The following TBC1D8 variants were observed in gnomAD, a reference collection of about 807,000 sequenced individuals.
The protein encoded by TBC1D8 is BUB2-like protein 1.
TBC1D8 carries 65 observed loss-of-function variants against 118.8 expected under a neutral mutation model. The observed-to-expected ratio is 0.55, with a 90% CI of 0.45 to 0.67. The LOEUF (loss-of-function observed/expected upper bound fraction) is 0.67, where lower values mean the gene tolerates loss of function less well. Among genes scored for constraint, TBC1D8 ranks in the 30% least tolerant of loss-of-function variants. The pLI is 0.00. For missense variants in TBC1D8, 1,376 were observed against 1,471.2 expected (o/e 0.94, Z 1.06); for synonymous variants, 566 against 595.8 (o/e 0.95, Z 0.73).
Position 101,029,538 on chromosome 2 carries a change from G to T in TBC1D8, c.2175C>A (p.Asp725Glu). 1.2e-6 allele frequency: 2 copies of T among 1,613,978 alleles called. No homozygotes were observed. Among genetic ancestry groups the T allele is most frequent in the Non-Finnish European group, 1.7e-6 (2 of 1,179,892 alleles). Residue 725 changes from aspartate (D) to glutamate (E), a missense_variant, in exon 12 of 20, where the codon GAC becomes GAA. Transcript: ENST00000409318. ...GLAVLEANAE[D>E]LCSSKDDGQA... ...GGCCATCATCCTTGCTGCTGCACAG[G>T]TCCTCAGCATTGGCCTCAAGCACAG...
intron 4 of TBC1D8, 64 bp downstream of exon 4, chr2:101,054,044 T>G: frequency 6.9e-7 from 1 of 1,453,740 alleles, no homozygotes; most frequent in Non-Finnish European, 9.4e-7. Context: ...CGGCCCTTCC[T>G]GGGAGCAGCG....
At position 101,007,688 on chromosome 2, in the gene TBC1D8, T is replaced by A; in HGVS notation, c.*133A>T. On this transcript the variant is annotated 3_prime_UTR_variant, in exon 20 of 20. Coordinates refer to ENST00000409318, the MANE Select transcript of TBC1D8 (RefSeq NM_001330348.2). ...GTTGTGTCGGTTCCCCTGGCCACAG[T>A]TTGTCAGGTTGTTTAGCCAGATGCC... 1 of 899,604 alleles carries A rather than the reference T, an allele frequency of 1.1e-6. No individual in the cohort carries two copies. The highest frequency in any genetic ancestry group is 1.7e-5 in the African/African-American group (1 of 60,098). The allele number at this position is 899,604 out of a possible 1,614,324, so 55.7% of individuals were successfully genotyped here. A position where few individuals can be genotyped will look rare whatever the true frequency, so the allele number is the denominator to read the frequency against.
chr2:101,029,451 C>T, intron 12 of TBC1D8, 40 bp downstream of exon 12: 1 of 1,592,726 alleles, frequency 6.3e-7, no homozygotes. Context: ...CTGCTGCCTC[C>T]TCCATCTCTG....
At chr2:101,064,165 A>G (rs1682903484) in intron 2 of TBC1D8, among the ~76,000 whole-genome samples, 1 of 152,120 alleles carries the variant, frequency 6.6e-6, no homozygotes, top group Admixed American at 6.5e-5. Context: ...ACTTTTAAGG[A>G]GGTATACGGT....
intron 2 of TBC1D8, among the ~76,000 whole-genome samples, chr2:101,067,752 CATAAAATGACA>C (rs1683093445): frequency 1.3e-5 from 2 of 152,172 alleles, no homozygotes; most frequent in Admixed American, 1.3e-4. Flanking sequence ...AATTTCTCAA[CATAAAATGACA>C]ATGAAGTTTC....
At chr2:101,064,571 A>C (rs185009730) in intron 2 of TBC1D8, among the ~76,000 whole-genome samples, 5 of 152,338 alleles carry the variant, frequency 3.3e-5, no homozygotes, top group Admixed American at 1.3e-4. Context: ...AATTTTTCAA[A>C]AAAAGACTTT....
At chr2:101,052,618 A>G (rs1289249928) in intron 4 of TBC1D8, among the ~76,000 whole-genome samples, 1 of 152,008 alleles carries the variant, frequency 6.6e-6, no homozygotes. Context: ...CTGGGACCAT[A>G]GGCGTGCACC....
intron 6 of TBC1D8, among the ~76,000 whole-genome samples, chr2:101,039,318 A>T (rs755491323): frequency 1.6e-4 from 24 of 152,224 alleles, no homozygotes; most frequent in Non-Finnish European, 2.5e-4. Context: ...AAATGAAGAC[A>T]TCTACTACAG....
At chr2:101,055,490 G>A (rs954651349) in intron 3 of TBC1D8, among the ~76,000 whole-genome samples, 2 of 152,122 alleles carry the variant, frequency 1.3e-5, no homozygotes, top group African/African-American at 4.8e-5. Flanking sequence ...GGCTCACTTT[G>A]TAGCCTTAAA....
intron 1 of TBC1D8, among the ~76,000 whole-genome samples, chr2:101,093,226 T>C (rs1013269129): frequency 6.6e-6 from 1 of 152,146 alleles, no homozygotes; most frequent in African/African-American, 2.4e-5. Flanking sequence ...TAGTTAACAG[T>C]AGGTTATTAG....
At chr2:101,071,593 C>T (rs1979043) in intron 2 of TBC1D8, among the ~76,000 whole-genome samples, 133,359 of 152,198 alleles carry the variant, frequency 0.88, 58,900 homozygotes, top group African/African-American at 0.97. Context: ...AGGTATTATA[C>T]ATTTTAGAAA....
chr2:101,028,232 AT>A, intron 13 of TBC1D8, 70 bp downstream of exon 13: 2 of 1,593,398 alleles, frequency 1.3e-6, no homozygotes, highest in Non-Finnish European at 1.7e-6. Flanking sequence ...CTCCTTCCAC[AT>A]CCATCCCCCA....
chr2:101,137,347 C>A (rs2104270572), intron 1 of TBC1D8, among the ~76,000 whole-genome samples: 1 of 148,244 alleles, frequency 6.7e-6, no homozygotes, highest in East Asian at 2.1e-4. Flanking sequence ...GAGTCTCGCA[C>A]TCTCGCCCAA....
At chr2:101,008,784 C>T (rs1473533251) in intron 19 of TBC1D8, among the ~76,000 whole-genome samples, 1 of 151,430 alleles carries the variant, frequency 6.6e-6, no homozygotes, top group Non-Finnish European at 1.5e-5. Context: ...GCACTCCAGC[C>T]TGGGCAACAA....
intron 1 of TBC1D8, among the ~76,000 whole-genome samples, chr2:101,147,605 C>G (rs1255481568): frequency 6.6e-6 from 1 of 152,178 alleles, no homozygotes. Flanking sequence ...ATTAGTGATG[C>G]TGGGCATGTT....
At position 101,007,710 on chromosome 2, in the gene TBC1D8, T is replaced by G; in HGVS notation, c.*111A>C. 1 of 1,102,326 alleles carries G rather than the reference T, an allele frequency of 9.1e-7. No individual in the cohort carries two copies. The highest frequency in any genetic ancestry group is 1.3e-6 in the Non-Finnish European group (1 of 762,958). 68.3% of individuals were successfully genotyped at this position (1,102,326 alleles called of 1,614,324 possible). On this transcript the variant is annotated 3_prime_UTR_variant, in exon 20 of 20. Coordinates refer to ENST00000409318, the MANE Select transcript of TBC1D8 (RefSeq NM_001330348.2). ...CAGTTTGTCAGGTTGTTTAGCCAGA[T>G]GCCCCATTGGTAAGGTAGACTGAAA... is the stretch of plus-strand genomic sequence containing the variant.
Position 101,008,145 on chromosome 2 carries a change from T to C in TBC1D8, c.3144A>G (p.Arg1048=). The C allele has an allele frequency of 6.2e-7, 1 of 1,613,870 alleles. No individual in the cohort carries two copies. Among genetic ancestry groups the C allele is most frequent in the Non-Finnish European group, 8.5e-7 (1 of 1,179,804 alleles). ...GGGAGCAGCTTCCAGAGCTGCTGCC[T>C]CGCTGCCCCACCTCCCCGATCTGCA... ...LLLQIGEVGQ[R]GSSSGSCSQE... The change falls in exon 20 of 20, where the codon CGA becomes CGG. Residue 1048 remains arginine (R), a synonymous_variant. Coordinates refer to ENST00000409318, the MANE Select transcript of TBC1D8 (RefSeq NM_001330348.2).
chr2:101,076,653 A>G (rs1308325787), intron 2 of TBC1D8, among the ~76,000 whole-genome samples: 2 of 152,170 alleles, frequency 1.3e-5, no homozygotes, highest in Non-Finnish European at 2.9e-5. Context: ...GTGGCATGAA[A>G]AGAGGGATGG....
At chr2:101,026,559 C>T (rs1169187127) in intron 15 of TBC1D8, among the ~76,000 whole-genome samples, 1 of 152,172 alleles carries the variant, frequency 6.6e-6, no homozygotes, top group Non-Finnish European at 1.5e-5. Flanking sequence ...TCACTTCAAT[C>T]GTGCTGGGAA....
Sources: gnomAD v4.1 joint callset for allele counts (sites outside exome capture counted in the v4.1 genomes callset) on GRCh38, gnomAD v4.1.1 for gene constraint, MANE v1.5 for transcripts, NCBI Gene and HGNC (gene_info 2026-07-23, HGNC 2026-07-21) for gene names.